SOX9: variants seen among roughly 807,000 people sequenced by gnomAD.
SOX9 encodes SRY-box transcription factor 9, also known as transcription factor SOX-9.
In SOX9, 2 loss-of-function variants were observed where a neutral mutation model predicts 44.8. The ratio of observed to expected loss-of-function variants is 0.04; its 90% CI spans 0.02 to 0.14. The LOEUF (loss-of-function observed/expected upper bound fraction) is 0.14. Among genes scored for constraint, SOX9 ranks in the 10% least tolerant of loss-of-function variants. The probability of loss-of-function intolerance (pLI) is 1.00; values close to 1 mark genes in which losing one functional copy is unlikely to be tolerated. For synonymous variants in SOX9, 381 were observed against 331.8 expected (o/e 1.15, Z -1.61); for missense variants, 583 against 728.6 (o/e 0.80, Z 2.30).
At chr17:72,122,996 G>T in intron 2 of SOX9, 24 bp downstream of exon 2, 1 of 1,609,642 alleles carries the variant, frequency 6.2e-7, no homozygotes, top group Non-Finnish European at 8.5e-7. Context: ...CGACCCCACC[G>T]GACAAGCTAT....
chr17:72,124,865 T>C lies in SOX9; in HGVS notation c.*478T>C, dbSNP rs1333834578. ...GTACTGTGTATGATTCATTACCATT[T>C]TGAGGGGATTTATACATATTTTTAG... On this transcript the variant is annotated 3_prime_UTR_variant, in exon 3 of 3. Coordinates refer to ENST00000245479, the MANE Select transcript of SOX9 (RefSeq NM_000346.4). The surrounding 1 kb of genome is among the most constrained non-coding windows in gnomAD (Gnocchi z 4.6). The C allele has an allele frequency of 1.2e-5, 3 of 256,984 alleles. No homozygotes were observed. Among genetic ancestry groups the C allele is most frequent in the Non-Finnish European group, 2.3e-5 (3 of 130,664 alleles). The allele number at this position is 256,984 out of a possible 1,614,324, so 15.9% of individuals were successfully genotyped here.
Position 72,122,936 on chromosome 17 carries a change from G to C in SOX9, c.649G>C (p.Gly217Arg), listed in dbSNP as rs905638075. The change falls in exon 2 of 3, where the codon GGC becomes CGC. Residue 217 changes from glycine to arginine, a missense_variant. By Grantham distance (125) the Gly-to-Arg change is moderately radical. Transcript: ENST00000245479. ...LQADSPHSSS[G>R]MSEVHSPGEH... Reference sequence around the variant, plus strand: ...GGCCGACTCGCCACACTCCTCCTCCGGCATGAGCGAGGTGCACTCCCCCGG... The same window carrying C: ...GGCCGACTCGCCACACTCCTCCTCCCGCATGAGCGAGGTGCACTCCCCCGG... 2.5e-6 allele frequency: 4 copies of C among 1,613,920 alleles called. No homozygotes were observed. The highest frequency in any genetic ancestry group is 3.4e-6 in the Non-Finnish European group (4 of 1,179,962).
rs1598177265 is a variant in SOX9 at position 72,124,637 on chromosome 17, C to G, written c.*250C>G. 1 of 588,932 alleles carries G rather than the reference C, an allele frequency of 1.7e-6. No homozygotes were observed. Among genetic ancestry groups the G allele is most frequent in the East Asian group, 2.9e-5 (1 of 34,912 alleles). 36.5% of individuals were successfully genotyped at this position (588,932 alleles called of 1,614,324 possible). Reference sequence around the variant, plus strand: ...GTGGCCAATCAGTGGCCAGGCCAACCTTGGCTAAATGGAGCAGCGAAATCA... The same window carrying G: ...GTGGCCAATCAGTGGCCAGGCCAACGTTGGCTAAATGGAGCAGCGAAATCA... On this transcript the variant is annotated 3_prime_UTR_variant, in exon 3 of 3. Transcript: ENST00000245479. The surrounding 1 kb of genome is among the most constrained non-coding windows in gnomAD (Gnocchi z 4.6).
At position 72,123,521 on chromosome 17, in the gene SOX9, C is replaced by T. The variant is rs1908175088; in HGVS notation, c.686-22C>T. The T allele has an allele frequency of 1.2e-6, 2 of 1,613,924 alleles. No homozygotes were observed. Among genetic ancestry groups the T allele is most frequent in the Admixed American group, 1.7e-5 (1 of 60,010 alleles). On this transcript the variant is annotated intron_variant, in intron 2 of 2. Transcript: ENST00000245479. The surrounding 1 kb of genome is among the most constrained non-coding windows in gnomAD (Gnocchi z 6.5). ...CACAGCCCTTGTTGATTTTCTCGTGCTTGTTCTTTTATTGTCCACAGGGCA... is the reference window on the plus strand; with the variant it reads ...CACAGCCCTTGTTGATTTTCTCGTGTTTGTTCTTTTATTGTCCACAGGGCA...
Position 72,126,408 on chromosome 17 carries a change from C to T in SOX9, c.*2021C>T, listed in dbSNP as rs1411244039. 1 of 222,968 alleles carries T rather than the reference C, an allele frequency of 4.5e-6. No individual in the cohort carries two copies. Among genetic ancestry groups the T allele is most frequent in the Admixed American group, 5.8e-5 (1 of 17,272 alleles). The allele number at this position is 222,968 out of a possible 1,614,324, so 13.8% of individuals were successfully genotyped here. ...TATTGTTTACAATAAATATACATTG[C>T]ATTAAAAAGAAAGTGGCCCTGTGGA... is the stretch of plus-strand genomic sequence containing the variant. On this transcript the variant is annotated 3_prime_UTR_variant, in exon 3 of 3. Transcript: ENST00000245479.
intron 1 of SOX9, among the ~76,000 whole-genome samples, chr17:72,122,320 G>T (rs1908121708): frequency 6.6e-6 from 1 of 150,446 alleles, no homozygotes; most frequent in Non-Finnish European, 1.5e-5. Context: ...GTGTATGGTG[G>T]GGGGTGAGAA....
In SOX9 at chr17:72,124,251, C is replaced by G. The variant is rs2143257582; in HGVS notation, c.1394C>G (p.Thr465Ser). The change falls in exon 3 of 3, where the codon ACC becomes AGC. Residue 465 changes from threonine (T) to serine (S), a missense_variant. Transcript: ENST00000245479. This position sits in a 1 kb window ranked among gnomAD's most constrained non-coding sequence, Gnocchi z 4.6. Reference sequence around the variant, plus strand: ...GGCCAGGGCACCGGCCTCTACTCCACCTTCACCTACATGAACCCCGCTCAG... The same window carrying G: ...GGCCAGGGCACCGGCCTCTACTCCAGCTTCACCTACATGAACCCCGCTCAG... ...AAGQGTGLYS[T>S]FTYMNPAQRP... 5 of 1,613,644 alleles carry G rather than the reference C, an allele frequency of 3.1e-6. No individual in the cohort carries two copies. Among genetic ancestry groups the G allele is most frequent in the African/African-American group, 1.3e-5 (1 of 75,008 alleles).
chr17:72,123,919 G>A lies in SOX9; in HGVS notation c.1062G>A (p.Pro354=), dbSNP rs868845946. 4.3e-5 allele frequency: 55 copies of A among 1,289,970 alleles called. No individual in the cohort carries two copies. The South Asian group carries it at 9.1e-4, about 21-fold the overall frequency. The allele number at this position is 1,289,970 out of a possible 1,614,324, so 79.9% of individuals were successfully genotyped here. Residue 354 remains proline (P), a synonymous_variant, in exon 3 of 3, where the codon CCG becomes CCA. Transcript: ENST00000245479. The surrounding 1 kb of genome is among the most constrained non-coding windows in gnomAD (Gnocchi z 6.5). ...CGCAGCAGCCCCCACAGGCCCCGCC[G>A]GCCCCGCAGGCGCCCCCGCAGCCGC... ...PPPQQPPQAP[P]APQAPPQPQA... is the part of the protein sequence containing the mutation.
At position 72,124,676 on chromosome 17, in the gene SOX9, C is replaced by T. The variant is rs1415274335; in HGVS notation, c.*289C>T. On this transcript the variant is annotated 3_prime_UTR_variant, in exon 3 of 3. Transcript: ENST00000245479. The surrounding 1 kb of genome is among the most constrained non-coding windows in gnomAD (Gnocchi z 4.6). ...GCAGCGAAATCAACGAGAAACTGGACTTTTTAAACCCTCTTCAGAGCAAGC... is the reference window on the plus strand; with the variant it reads ...GCAGCGAAATCAACGAGAAACTGGATTTTTTAAACCCTCTTCAGAGCAAGC... 1.9e-6 allele frequency: 1 copy of T among 535,172 alleles called. No individual in the cohort carries two copies. The highest frequency in any genetic ancestry group is 1.9e-5 in the African/African-American group (1 of 52,874). 33.2% of individuals were successfully genotyped at this position (535,172 alleles called of 1,614,324 possible).
At position 72,121,959 on chromosome 17, in the gene SOX9, T is replaced by C; in HGVS notation, c.431+137T>C. 9.1e-7 allele frequency: 1 copy of C among 1,097,076 alleles called. No homozygotes were observed. Among genetic ancestry groups the C allele is most frequent in the South Asian group, 1.6e-5 (1 of 60,840 alleles). The allele number at this position is 1,097,076 out of a possible 1,614,324, so 68.0% of individuals were successfully genotyped here. ...GGAGCCGGCGGGATGGGGTTGGGAG[T>C]GGGAATGGGGTGTAACTGTGGCTCA... On this transcript the variant is annotated intron_variant, in intron 1 of 2. Coordinates refer to ENST00000245479, the MANE Select transcript of SOX9 (RefSeq NM_000346.4). The surrounding 1 kb of genome is among the most constrained non-coding windows in gnomAD (Gnocchi z 8.3).
Position 72,125,155 on chromosome 17 carries a change from G to T in SOX9, c.*768G>T, listed in dbSNP as rs1204803560. 1 of 226,952 alleles carries T rather than the reference G, an allele frequency of 4.4e-6. No homozygotes were observed. The highest frequency in any genetic ancestry group is 2.2e-5 in the African/African-American group (1 of 44,968). The allele number at this position is 226,952 out of a possible 1,614,324, so 14.1% of individuals were successfully genotyped here. A position where few individuals can be genotyped will look rare whatever the true frequency, so the allele number is the denominator to read the frequency against. On this transcript the variant is annotated 3_prime_UTR_variant, in exon 3 of 3. Coordinates refer to ENST00000245479, the MANE Select transcript of SOX9 (RefSeq NM_000346.4). ...AATAAAGGCCTTATTTTGCAATTAT[G>T]GGAGTAAACAATAGTCTAGAGAAGC...
At position 72,121,482 on chromosome 17, in the gene SOX9, G is replaced by A. The variant is rs1257248748; in HGVS notation, c.91G>A (p.Ala31Thr). The change falls in exon 1 of 3, where the codon GCG becomes ACG. Residue 31 changes from alanine to threonine, a missense_variant. By Grantham distance (58) the Ala-to-Thr change is moderately conservative. Around this residue, in one of 7 missense-constraint regions of SOX9, gnomAD observed 101 missense variants for 98.6 expected, o/e 1.02. Coordinates refer to ENST00000245479, the MANE Select transcript of SOX9 (RefSeq NM_000346.4). This position sits in a 1 kb window ranked among gnomAD's most constrained non-coding sequence, Gnocchi z 8.3. ...CAGCCCCACCATGTCCGAGGACTCC[G>A]CGGGCTCGCCCTGCCCGTCGGGCTC... ...APSPTMSEDSAGSPCPSGSGS... is the reference protein window; with the variant it reads ...APSPTMSEDSTGSPCPSGSGS... The A allele has an allele frequency of 6.2e-7, 1 of 1,611,976 alleles. No homozygotes were observed. The highest frequency in any genetic ancestry group is 1.3e-5 in the African/African-American group (1 of 74,930).
Position 72,121,342 on chromosome 17 carries a change from C to T in SOX9, c.-50C>T, listed in dbSNP as rs1236034346. 1.3e-6 allele frequency: 2 copies of T among 1,562,302 alleles called. No individual in the cohort carries two copies. Among genetic ancestry groups the T allele is most frequent in the East Asian group, 2.2e-5 (1 of 44,452 alleles). ...CCCGCGCCTCGAGTCCCCGAGCCGC[C>T]GCGGCTTCTCGCCTTTCCCGGCCAC... On this transcript the variant is annotated 5_prime_UTR_variant, in exon 1 of 3. Coordinates refer to ENST00000245479, the MANE Select transcript of SOX9 (RefSeq NM_000346.4). The surrounding 1 kb of genome is among the most constrained non-coding windows in gnomAD (Gnocchi z 8.3).
In SOX9 at chr17:72,121,577, G is replaced by A. The variant is rs2143238107; in HGVS notation, c.186G>A (p.Lys62=). 6.2e-7 allele frequency: 1 copy of A among 1,607,804 alleles called. No individual in the cohort carries two copies. The highest frequency in any genetic ancestry group is 8.5e-7 in the Non-Finnish European group (1 of 1,177,472). Residue 62 remains lysine (K), a synonymous_variant, in exon 1 of 3, where the codon AAG becomes AAA. Coordinates refer to ENST00000245479, the MANE Select transcript of SOX9 (RefSeq NM_000346.4). This position sits in a 1 kb window ranked among gnomAD's most constrained non-coding sequence, Gnocchi z 8.3. The part of the protein sequence containing the change: ...TFPKGEPDLK[K]ESEEDKFPVC... ...CCAAGGGCGAGCCCGATCTGAAGAA[G>A]GAGAGCGAGGAGGACAAGTTCCCCG...
rs754417848 is a variant in SOX9 at position 72,123,949 on chromosome 17, G to A, written c.1092G>A (p.Ala364=). Residue 364 remains alanine (A), a synonymous_variant, in exon 3 of 3, where the codon GCG becomes GCA. Coordinates refer to ENST00000245479, the MANE Select transcript of SOX9 (RefSeq NM_000346.4). The surrounding 1 kb of genome is among the most constrained non-coding windows in gnomAD (Gnocchi z 6.5). The part of the protein sequence containing the change: ...PAPQAPPQPQ[A]APPQQPAAPP... ...CGCAGGCGCCCCCGCAGCCGCAGGC[G>A]GCGCCCCCACAGCAGCCGGCGGCAC... 1.6e-4 allele frequency: 223 copies of A among 1,375,104 alleles called. No homozygotes were observed. The highest frequency in any genetic ancestry group is 2.1e-4 in the Non-Finnish European group (221 of 1,067,740). 85.2% of individuals were successfully genotyped at this position (1,375,104 alleles called of 1,614,324 possible).
rs2143252606 is a variant in SOX9, at chr17:72,123,798, C to T, written c.941C>T (p.Thr314Ile). The change falls in exon 3 of 3, where the codon ACC becomes ATC. Residue 314 changes from threonine (T) to isoleucine (I), a missense_variant. By Grantham distance (89) the Thr-to-Ile change is moderately conservative (BLOSUM62 -1). Transcript: ENST00000245479. This position sits in a 1 kb window ranked among gnomAD's most constrained non-coding sequence, Gnocchi z 6.5. The part of the protein sequence containing the change: ...PGVPATHGQV[T>I]YTGSYGISST... ...GTGCCGGCCACGCACGGCCAGGTCA[C>T]CTACACGGGCAGCTACGGCATCAGC... 1.2e-6 allele frequency: 2 copies of T among 1,612,626 alleles called. No homozygotes were observed. The highest frequency in any genetic ancestry group is 1.1e-5 in the South Asian group (1 of 91,060).
chr17:72,121,141 T>G lies in SOX9; in HGVS notation c.-251T>G, dbSNP rs1952595619. The G allele has an allele frequency of 1.8e-6, 1 of 566,302 alleles. No individual in the cohort carries two copies. The highest frequency in any genetic ancestry group is 3.3e-5 in the Admixed American group (1 of 30,312). The allele number at this position is 566,302 out of a possible 1,614,324, so 35.1% of individuals were successfully genotyped here. Reference sequence around the variant, plus strand: ...AGAGAAGGGGTGCAAGCGCCCCCACTTTTGCTCTTTTTCCTCCCCTCCTCC... The same window carrying G: ...AGAGAAGGGGTGCAAGCGCCCCCACGTTTGCTCTTTTTCCTCCCCTCCTCC... On this transcript the variant is annotated 5_prime_UTR_variant, in exon 1 of 3. Transcript: ENST00000245479. This position sits in a 1 kb window ranked among gnomAD's most constrained non-coding sequence, Gnocchi z 8.3.
rs1200049061 is a variant in SOX9, at chr17:72,121,389, C to T, written c.-3C>T. On this transcript the variant is annotated 5_prime_UTR_variant, in exon 1 of 3. Coordinates refer to ENST00000245479, the MANE Select transcript of SOX9 (RefSeq NM_000346.4). This position sits in a 1 kb window ranked among gnomAD's most constrained non-coding sequence, Gnocchi z 8.3. ...CCACCAGCCCCCTGCCCCGGGCCCG[C>T]GTATGAATCTCCTGGACCCCTTCAT... 8 of 1,612,160 alleles carry T rather than the reference C, an allele frequency of 5.0e-6. No individual in the cohort carries two copies. The South Asian group carries it at 5.5e-5, about 11-fold the overall frequency.
In SOX9 at chr17:72,121,070, A is replaced by G. The variant is rs1229154400; in HGVS notation, c.-322A>G. The G allele has an allele frequency of 3.7e-6, 2 of 543,688 alleles. No individual in the cohort carries two copies. Among genetic ancestry groups the G allele is most frequent in the Non-Finnish European group, 6.4e-6 (2 of 312,360 alleles). The allele number at this position is 543,688 out of a possible 1,614,324, so 33.7% of individuals were successfully genotyped here. A position where few individuals can be genotyped will look rare whatever the true frequency, so the allele number is the denominator to read the frequency against. On this transcript the variant is annotated 5_prime_UTR_variant, in exon 1 of 3. Coordinates refer to ENST00000245479, the MANE Select transcript of SOX9 (RefSeq NM_000346.4). This position sits in a 1 kb window ranked among gnomAD's most constrained non-coding sequence, Gnocchi z 8.3. ...CTGACTGGAAACTTCAGTGGCGCGG[A>G]GACTCGCCAGTTTCAACCCCGGAAA...
Sources: allele counts gnomAD v4.1 joint callset (sites outside exome capture counted in the v4.1 genomes callset), GRCh38; gene constraint gnomAD v4.1.1; regional missense constraint gnomAD v4.1.1; non-coding constraint Gnocchi (gnomAD v3.1); transcripts MANE v1.5; gene names NCBI Gene and HGNC (gene_info 2026-07-23, HGNC 2026-07-21).